Variants in ZNF343 observed in about 807,000 individuals in gnomAD.
The protein encoded by ZNF343 is zinc finger protein 343.
ZNF343 carries 11 observed loss-of-function variants against 13.8 expected under a neutral mutation model. The observed-to-expected ratio is 0.80, with a 90% CI of 0.50 to 1.32. ZNF343 has a LOEUF of 1.32. ZNF343 is among the 40% of genes most tolerant of loss of function. The probability of loss-of-function intolerance (pLI) is 0.00; values close to 1 mark genes in which losing one functional copy is unlikely to be tolerated. For synonymous variants in ZNF343, 248 were observed against 260.0 expected (o/e 0.95, Z 0.44); for missense variants, 658 against 714.2 (o/e 0.92, Z 0.90).
chr20:2,482,407 A>C lies in ZNF343; in HGVS notation c.*754T>G, dbSNP rs1438005477. ...TGGGCAGAGGAAGAAGCTGACCTGC[A>C]ATGTGTCTGCAACCCAGTGATCCTT... On this transcript the variant is annotated 3_prime_UTR_variant, in exon 6 of 6. Coordinates refer to ENST00000278772, the MANE Select transcript of ZNF343 (RefSeq NM_024325.6). 1 of 152,240 alleles carries C rather than the reference A, an allele frequency of 6.6e-6. No homozygotes were observed. Among genetic ancestry groups the C allele is most frequent in the Non-Finnish European group, 1.5e-5 (1 of 68,084 alleles). 9.4% of individuals were successfully genotyped at this position (152,240 alleles called of 1,614,324 possible). A position where few individuals can be genotyped will look rare whatever the true frequency, so the allele number is the denominator to read the frequency against.
At chr20:2,514,976 C>G (rs2085752947) in intron 1 of ZNF343, among the ~76,000 whole-genome samples, 1 of 146,946 alleles carries the variant, frequency 6.8e-6, no homozygotes, top group Non-Finnish European at 1.5e-5. Flanking sequence ...GCACTCCAGC[C>G]TGGGTGACAG....
chr20:2,493,827 C>T lies in ZNF343; in HGVS notation c.69G>A (p.Gly23=), dbSNP rs1168808284. ...ATTTCTTCATAGTCTCTACATTTTC[C>T]CCATTCTTTGGAAGCAAAATCTCTT... ...YWEEILLPKN[G]ENVETMKKLT... is the part of the protein sequence containing the mutation. The change falls in exon 3 of 6, where the codon GGG becomes GGA. Residue 23 remains glycine (G), a synonymous_variant. Coordinates refer to ENST00000278772, the MANE Select transcript of ZNF343 (RefSeq NM_024325.6). The T allele has an allele frequency of 6.2e-7, 1 of 1,614,044 alleles. No homozygotes were observed.
chr20:2,497,904 G>A (rs1001400010), intron 2 of ZNF343, among the ~76,000 whole-genome samples: 1 of 145,380 alleles, frequency 6.9e-6, no homozygotes, highest in Non-Finnish European at 1.5e-5. Context: ...TCCTCCATAT[G>A]GCTCCTCCAC....
chr20:2,524,807 C>CGAGA (rs1223348516), upstream of ZNF343: 18 of 152,454 alleles, frequency 1.2e-4, no homozygotes, highest in Admixed American at 3.3e-4. Context: ...TTATTTTGAG[C>CGAGA]GAGAGTCTCG....
Position 2,502,998 on chromosome 20 carries a change from A to G in ZNF343, c.-236-2256T>C, listed in dbSNP as rs548681080. Among the ~76,000 whole-genome samples, 17 of 152,374 alleles carry G rather than the reference A, an allele frequency of 1.1e-4. No homozygotes were observed. The East Asian group carries it at 1.4e-3, about 12-fold the overall frequency. On this transcript the variant is annotated intron_variant, in intron 1 of 5. Transcript: ENST00000278772. The stretch of plus-strand genomic sequence containing the variant: ...AAATGTAAATGGGCTAAATGCTCCA[A>G]TTAAAAGACACAGACTGGCAAACTG...
At chr20:2,520,650 G>A (rs1345769238) in intron 1 of ZNF343, among the ~76,000 whole-genome samples, 1 of 152,028 alleles carries the variant, frequency 6.6e-6, no homozygotes, top group Non-Finnish European at 1.5e-5. Context: ...ATCTTAAAGA[G>A]GAGAATCAGT....
intron 3 of ZNF343, 54 bp from the exon 4 acceptor site, chr20:2,493,631 C>G: frequency 1.0e-6 from 1 of 962,176 alleles, no homozygotes; most frequent in Non-Finnish European, 1.5e-6. Flanking sequence ...CCCCCACCCC[C>G]CACCATGACG....
At chr20:2,509,402 T>C (rs1459144726), upstream of ZNF343, among the ~76,000 whole-genome samples, 1 of 152,204 alleles carries the variant, frequency 6.6e-6, no homozygotes, top group African/African-American at 2.4e-5. Flanking sequence ...AGCGTCTCAG[T>C]TGAACCCTTA....
chr20:2,516,175 TGA>T (rs536480154), intron 1 of ZNF343, among the ~76,000 whole-genome samples: 2 of 152,004 alleles, frequency 1.3e-5, no homozygotes, highest in South Asian at 4.1e-4. Context: ...AAGGTGAGGA[TGA>T]GAGTCGGGGT....
chr20:2,494,073 G>A (rs1041367134), intron 2 of ZNF343, 29 bp from the exon 3 acceptor site: 30 of 599,796 alleles, frequency 5.0e-5, no homozygotes, highest in Non-Finnish European at 8.6e-5. Context: ...ATTTGCTATT[G>A]CTGGGGCTTT....
intron 1 of ZNF343, among the ~76,000 whole-genome samples, chr20:2,503,654 C>T (rs1430367534): frequency 6.6e-6 from 1 of 152,142 alleles, no homozygotes; most frequent in Non-Finnish European, 1.5e-5. Context: ...GATTAAGAAA[C>T]TCACTCAAAA....
At chr20:2,491,329 G>T (rs949633197) in intron 5 of ZNF343, among the ~76,000 whole-genome samples, 2 of 152,090 alleles carry the variant, frequency 1.3e-5, no homozygotes, top group Non-Finnish European at 2.9e-5. Context: ...ATGTTAAAAT[G>T]ATATTTTAAT....
intron 1 of ZNF343, among the ~76,000 whole-genome samples, chr20:2,516,393 C>T (rs6083526): frequency 0.16 from 24,058 of 151,738 alleles, 2,047 homozygotes; most frequent in South Asian, 0.3. Context: ...GTCAGAGTCA[C>T]TGTTAATGTC....
upstream of ZNF343, among the ~76,000 whole-genome samples, chr20:2,509,877 A>T (rs974005064): frequency 6.6e-6 from 1 of 152,174 alleles, no homozygotes; most frequent in African/African-American, 2.4e-5. Flanking sequence ...GAGTATTTCC[A>T]TGAGAAATCT....
intron 2 of ZNF343, among the ~76,000 whole-genome samples, chr20:2,498,199 A>T (rs2085492961): frequency 6.6e-6 from 1 of 152,218 alleles, no homozygotes; most frequent in African/African-American, 2.4e-5. Flanking sequence ...TCCTCTAAAA[A>T]TACAAAATTA....
chr20:2,495,976 G>A (rs574753112), intron 2 of ZNF343, among the ~76,000 whole-genome samples: 3 of 152,166 alleles, frequency 2.0e-5, no homozygotes, highest in East Asian at 1.9e-4. Context: ...CACCATGCCC[G>A]GCTACTAAAT....
chr20:2,516,383 G>A (rs1366519129), intron 1 of ZNF343, among the ~76,000 whole-genome samples: 7 of 152,024 alleles, frequency 4.6e-5, no homozygotes, highest in Admixed American at 4.6e-4. Context: ...TGCTGTGAGG[G>A]TCAGAGTCAC....
intron 1 of ZNF343, among the ~76,000 whole-genome samples, chr20:2,519,122 G>A (rs2085772190): frequency 6.6e-6 from 1 of 152,102 alleles, no homozygotes; most frequent in Non-Finnish European, 1.5e-5. Flanking sequence ...TTATAGTAGT[G>A]TGAAAATGGA....
chr20:2,494,967 C>A (rs867109656), intron 2 of ZNF343, among the ~76,000 whole-genome samples: 1 of 152,168 alleles, frequency 6.6e-6, no homozygotes. Flanking sequence ...GGGCCCAAGT[C>A]AAAGTCCTAC....
Sources: gnomAD v4.1 joint callset for allele counts (sites outside exome capture counted in the v4.1 genomes callset) on GRCh38, gnomAD v4.1.1 for gene constraint, MANE v1.5 for transcripts, NCBI Gene and HGNC (gene_info 2026-07-23, HGNC 2026-07-21) for gene names.